Variants in SHTN1 observed in about 807,000 individuals in gnomAD.
SHTN1 encodes shootin-1.
In SHTN1, 42 loss-of-function variants were observed where a neutral mutation model predicts 83.1. The ratio of observed to expected loss-of-function variants is 0.51; its 90% CI spans 0.39 to 0.65. The LOEUF (loss-of-function observed/expected upper bound fraction) is 0.65. Among genes scored for constraint, SHTN1 ranks in the 30% least tolerant of loss-of-function variants. The pLI is 0.00. For missense variants in SHTN1, 622 were observed against 737.8 expected (o/e 0.84, Z 1.82); for synonymous variants, 224 against 247.7 (o/e 0.90, Z 0.90).
chr10:116,925,620 A>G (rs1160379769), intron 11 of SHTN1, among the ~76,000 whole-genome samples: 4 of 152,160 alleles, frequency 2.6e-5, no homozygotes, highest in African/African-American at 9.7e-5. Context: ...GTATCTATAG[A>G]TATACACATT....
intron 2 of SHTN1, among the ~76,000 whole-genome samples, chr10:116,974,971 T>C (rs913267922): frequency 2.2e-4 from 34 of 152,324 alleles, no homozygotes; most frequent in African/African-American, 5.5e-4. Flanking sequence ...ATTTGGTTGA[T>C]TGCAAAATAT....
chr10:117,102,530 C>G (rs537785685), intron 1 of SHTN1, among the ~76,000 whole-genome samples: 51 of 152,194 alleles, frequency 3.4e-4, no homozygotes, highest in African/African-American at 1.2e-3. Flanking sequence ...TGAAAATTAG[C>G]AGGAGCTCAC....
rs1847022235 is a variant in SHTN1, at chr10:116,881,736, C to T, written c.*4608G>A. On this transcript the variant is annotated 3_prime_UTR_variant, in exon 17 of 17. Coordinates refer to ENST00000355371, the MANE Select transcript of SHTN1 (RefSeq NM_001127211.3). Reference sequence around the variant, plus strand: ...GTAGACCGGGAGGTCTGAAGTACGGCGCCGTGTCTCCACATGGAGTTTCCT... The same window carrying T: ...GTAGACCGGGAGGTCTGAAGTACGGTGCCGTGTCTCCACATGGAGTTTCCT... 7.4e-6 allele frequency: 9 copies of T among 1,219,022 alleles called. No individual in the cohort carries two copies. Among genetic ancestry groups the T allele is most frequent in the Admixed American group, 3.9e-5 (1 of 25,400 alleles). The allele number at this position is 1,219,022 out of a possible 1,614,324, so 75.5% of individuals were successfully genotyped here.
intron 7 of SHTN1, among the ~76,000 whole-genome samples, chr10:116,945,823 G>A (rs1377752776): frequency 6.6e-6 from 1 of 152,082 alleles, no homozygotes; most frequent in Non-Finnish European, 1.5e-5. Flanking sequence ...TATGGAAACA[G>A]CCCAAAGTCT....
chr10:116,951,455 T>G (rs1251602041), intron 6 of SHTN1, among the ~76,000 whole-genome samples: 1 of 152,046 alleles, frequency 6.6e-6, no homozygotes. Flanking sequence ...AAAGAAAGAT[T>G]CTGTAAACAA....
chr10:117,079,917 A>T (rs1853232900), intron 1 of SHTN1, among the ~76,000 whole-genome samples: 1 of 140,584 alleles, frequency 7.1e-6, no homozygotes, highest in African/African-American at 2.6e-5. Flanking sequence ...GTTTGAGTTC[A>T]TTGTAGATTC....
intron 3 of SHTN1, among the ~76,000 whole-genome samples, chr10:116,960,618 A>G (rs1295881200): frequency 6.6e-6 from 1 of 152,240 alleles, no homozygotes; most frequent in Non-Finnish European, 1.5e-5. Context: ...TCAGCAGTGT[A>G]TAACACATGG....
chr10:116,904,142 T>C lies in SHTN1; in HGVS notation c.1481-2185A>G, dbSNP rs1227399720. Among the ~76,000 whole-genome samples, 4 of 152,340 alleles carry C rather than the reference T, an allele frequency of 2.6e-5. No homozygotes were observed. In the East Asian group the frequency reaches 7.7e-4, roughly 29 times the overall value. On this transcript the variant is annotated intron_variant, in intron 15 of 16. Coordinates refer to ENST00000355371, the MANE Select transcript of SHTN1 (RefSeq NM_001127211.3). ...TCTCTACTTGTGACTTCACATTTAC[T>C]TTCCCAAAAGCCTTTCTAGGCAGAA...
upstream of SHTN1, chr10:117,005,326 T>C (rs915886212): frequency 9.9e-6 from 13 of 1,313,276 alleles, no homozygotes; most frequent in Non-Finnish European, 1.3e-5. Context: ...GTTCAGGGGG[T>C]GGAGGAACGA....
chr10:117,040,738 A>G (rs1408325767), intron 2 of SHTN1, among the ~76,000 whole-genome samples: 4 of 152,166 alleles, frequency 2.6e-5, no homozygotes, highest in African/African-American at 4.8e-5. Context: ...TGTGGTGTTT[A>G]CTATGGTCTG....
intron 1 of SHTN1, among the ~76,000 whole-genome samples, chr10:117,122,986 T>C (rs1173768535): frequency 1.3e-5 from 2 of 152,166 alleles, no homozygotes; most frequent in African/African-American, 4.8e-5. Context: ...AGCACTACCA[T>C]TCACTGAACC....
intron 1 of SHTN1, among the ~76,000 whole-genome samples, chr10:117,050,767 A>T (rs1314571620): frequency 1.3e-5 from 2 of 152,090 alleles, no homozygotes; most frequent in Admixed American, 6.6e-5. Context: ...GGGCATGGTG[A>T]CACAGCCCAG....
chr10:116,963,685 G>A (rs1009776789), intron 3 of SHTN1, among the ~76,000 whole-genome samples: 2 of 152,190 alleles, frequency 1.3e-5, no homozygotes, highest in African/African-American at 2.4e-5. Flanking sequence ...GACAGTGGGT[G>A]TATGGGTGTA....
intron 4 of SHTN1, among the ~76,000 whole-genome samples, chr10:116,957,442 C>T (rs563131497): frequency 3.3e-5 from 5 of 151,272 alleles, no homozygotes; most frequent in African/African-American, 4.8e-5. Flanking sequence ...TTAGTAGAGA[C>T]GGGGTTTCAC....
chr10:116,961,650 G>T (rs1029755758), intron 3 of SHTN1, among the ~76,000 whole-genome samples: 17 of 152,122 alleles, frequency 1.1e-4, no homozygotes, highest in Admixed American at 9.8e-4. Context: ...CCCAACAATC[G>T]GCTTGGCAGG....
chr10:117,072,126 G>A (rs1190306557), intron 1 of SHTN1, among the ~76,000 whole-genome samples: 3 of 152,216 alleles, frequency 2.0e-5, no homozygotes, highest in Non-Finnish European at 2.9e-5. Context: ...TCAAATATGC[G>A]GATGGGAAAA....
intron 16 of SHTN1, among the ~76,000 whole-genome samples, chr10:116,899,032 G>A (rs180937441): frequency 9.9e-5 from 15 of 152,098 alleles, no homozygotes; most frequent in African/African-American, 2.2e-4. Flanking sequence ...AAGATCTTAC[G>A]CAGATCATAC....
At chr10:117,109,910 A>G (rs181744271) in intron 1 of SHTN1, among the ~76,000 whole-genome samples, 12 of 152,284 alleles carry the variant, frequency 7.9e-5, no homozygotes, top group Admixed American at 3.3e-4. Context: ...TCAGAATATT[A>G]CCTTATAAAC....
intron 1 of SHTN1, among the ~76,000 whole-genome samples, chr10:117,104,579 G>GTCTCGATTTC: frequency 6.6e-6 from 1 of 152,246 alleles, no homozygotes; most frequent in South Asian, 2.1e-4. Context: ...GACCATCCTG[G>GTCTCGATTTC]CTAACAAACA....
Sources: allele counts gnomAD v4.1 joint callset (sites outside exome capture counted in the v4.1 genomes callset), GRCh38; gene constraint gnomAD v4.1.1; transcripts MANE v1.5; gene names NCBI Gene and HGNC (gene_info 2026-07-23, HGNC 2026-07-21).